CAMK2D: variants seen among roughly 807,000 people sequenced by gnomAD.
CAMK2D encodes calcium/calmodulin-dependent protein kinase type II subunit delta.
CAMK2D carries 37 observed loss-of-function variants against 84.0 expected under a neutral mutation model. The ratio of observed to expected loss-of-function variants is 0.44; its 90% confidence interval spans 0.34 to 0.58. The LOEUF (loss-of-function observed/expected upper bound fraction) is 0.58. CAMK2D is among the 20% of genes least tolerant of loss of function. The probability of loss-of-function intolerance (pLI) is 0.02; values close to 1 mark genes in which losing one functional copy is unlikely to be tolerated. For missense variants in CAMK2D, 448 were observed against 652.5 expected (o/e 0.69, Z 3.41); for synonymous variants, 202 against 212.5 (o/e 0.95, Z 0.43).
At chr4:113,519,962 A>ATGAT (rs2098335076) in intron 8 of CAMK2D, among the ~76,000 whole-genome samples, 1 of 152,194 alleles carries the variant, frequency 6.6e-6, no homozygotes, top group East Asian at 1.9e-4. Context: ...TTTAGTAGGA[A>ATGAT]TGATAATATA....
intron 3 of CAMK2D, among the ~76,000 whole-genome samples, chr4:113,650,377 C>T (rs533075014): frequency 6.7e-6 from 1 of 150,240 alleles, no homozygotes; most frequent in Admixed American, 6.6e-5. Context: ...AATAGCCAGG[C>T]ATGGTGGTGC....
At chr4:113,467,855 G>C (rs966391094) in intron 16 of CAMK2D, among the ~76,000 whole-genome samples, 4 of 152,086 alleles carry the variant, frequency 2.6e-5, no homozygotes, top group African/African-American at 9.7e-5. Flanking sequence ...TGGAATATAA[G>C]GGATACGGGT....
At chr4:113,665,028 T>C (rs904830103) in intron 2 of CAMK2D, among the ~76,000 whole-genome samples, 1 of 152,162 alleles carries the variant, frequency 6.6e-6, no homozygotes, top group Non-Finnish European at 1.5e-5. Context: ...GGTTTCAAAC[T>C]CCTGACCTCA....
At chr4:113,724,201 A>C (rs1009075996) in intron 2 of CAMK2D, among the ~76,000 whole-genome samples, 11 of 152,050 alleles carry the variant, frequency 7.2e-5, no homozygotes, top group African/African-American at 2.7e-4. Context: ...ACTTTATATA[A>C]AACTGTGGGC....
intron 2 of CAMK2D, among the ~76,000 whole-genome samples, chr4:113,690,401 A>T (rs1267555771): frequency 1.3e-5 from 2 of 152,094 alleles, no homozygotes; most frequent in African/African-American, 4.8e-5. Context: ...ATGTTTAAGG[A>T]GGTAATTTAA....
chr4:113,541,929 T>C (rs2098532605), intron 6 of CAMK2D, among the ~76,000 whole-genome samples: 1 of 152,230 alleles, frequency 6.6e-6, no homozygotes, highest in Non-Finnish European at 1.5e-5. Flanking sequence ...ATTTTAGCTT[T>C]TATTTTTGTG....
At chr4:113,656,864 C>T (rs1266620740) in intron 3 of CAMK2D, among the ~76,000 whole-genome samples, 1 of 152,144 alleles carries the variant, frequency 6.6e-6, no homozygotes, top group African/African-American at 2.4e-5. Context: ...AGGCAGGTTC[C>T]TCTTTTCAAC....
intron 2 of CAMK2D, among the ~76,000 whole-genome samples, chr4:113,693,611 G>A (rs2099394639): frequency 6.6e-6 from 1 of 152,116 alleles, no homozygotes; most frequent in East Asian, 1.9e-4. Flanking sequence ...ACCTGGGATG[G>A]AAATGTTTGT....
At chr4:113,520,589 G>A (rs1345887522) in intron 8 of CAMK2D, among the ~76,000 whole-genome samples, 1 of 151,956 alleles carries the variant, frequency 6.6e-6, no homozygotes. Context: ...TATACCTAAA[G>A]TACTAAAATC....
intron 15 of CAMK2D, among the ~76,000 whole-genome samples, chr4:113,501,004 T>C (rs1245715987): frequency 6.6e-6 from 1 of 152,032 alleles, no homozygotes; most frequent in Non-Finnish European, 1.5e-5. Flanking sequence ...AGAGAAAGCA[T>C]TTCACCGCAT....
Position 113,523,793 on chromosome 4 carries a change from A to AAATC in CAMK2D, c.602-6137_602-6136insGATT, listed in dbSNP as rs538906992. Among the ~76,000 whole-genome samples, 972 of 152,156 alleles carry AAATC rather than the reference A, an allele frequency of 6.4e-3. 19 individuals carry two copies. Among genetic ancestry groups the AAATC allele is most frequent in the Non-Finnish European group, 7.6e-3 (514 of 68,020 alleles). ...TCTCGAAATAAATAAATAAATAAAT[A>AAATC]AATAAACAAACAAACAAATAAATAA... On this transcript the variant is annotated intron_variant, in intron 8 of 20. Coordinates refer to ENST00000511664, the MANE Select transcript of CAMK2D (RefSeq NM_001321571.2).
At chr4:113,491,688 A>G (rs1055950838) in intron 16 of CAMK2D, among the ~76,000 whole-genome samples, 4 of 152,064 alleles carry the variant, frequency 2.6e-5, no homozygotes, top group East Asian at 3.9e-4. Context: ...CTCTTTTTCT[A>G]TTGATTGGAA....
intron 4 of CAMK2D, among the ~76,000 whole-genome samples, chr4:113,591,965 T>C (rs2098889238): frequency 6.6e-6 from 1 of 152,214 alleles, no homozygotes; most frequent in Non-Finnish European, 1.5e-5. Flanking sequence ...GTAAGCTCTT[T>C]GTAGGCAGAT....
At chr4:113,734,257 C>A (rs184968440) in intron 2 of CAMK2D, among the ~76,000 whole-genome samples, 1 of 152,192 alleles carries the variant, frequency 6.6e-6, no homozygotes, top group African/African-American at 2.4e-5. Flanking sequence ...TCAGTTGTTT[C>A]AACTTACTTT....
At chr4:113,663,522 G>A (rs143745224) in intron 2 of CAMK2D, among the ~76,000 whole-genome samples, 2 of 151,938 alleles carry the variant, frequency 1.3e-5, no homozygotes, top group Non-Finnish European at 2.9e-5. Flanking sequence ...CCGGGAGATG[G>A]ATGTTGCAGT....
chr4:113,721,545 T>C (rs2099530430), intron 2 of CAMK2D, among the ~76,000 whole-genome samples: 2 of 152,156 alleles, frequency 1.3e-5, no homozygotes, highest in Non-Finnish European at 2.9e-5. Context: ...AATGAGAGTG[T>C]TGCAGTAAAT....
At chr4:113,577,580 G>C (rs139350375) in intron 4 of CAMK2D, among the ~76,000 whole-genome samples, 1 of 152,100 alleles carries the variant, frequency 6.6e-6, no homozygotes, top group African/African-American at 2.4e-5. Flanking sequence ...AATGATGTTA[G>C]CTTGGCCCTC....
chr4:113,641,629 T>C (rs574261401), intron 3 of CAMK2D, among the ~76,000 whole-genome samples: 24 of 152,338 alleles, frequency 1.6e-4, no homozygotes, highest in African/African-American at 4.8e-4. Context: ...AATTTAGTTT[T>C]CTAAAACATT....
intron 1 of CAMK2D, among the ~76,000 whole-genome samples, chr4:113,760,710 A>C (rs2099639407): frequency 6.6e-6 from 1 of 152,144 alleles, no homozygotes; most frequent in African/African-American, 2.4e-5. Context: ...GATGATAGCT[A>C]CAACTGCAGA....
Sources: gnomAD v4.1 joint callset for allele counts (sites outside exome capture counted in the v4.1 genomes callset) on GRCh38, gnomAD v4.1.1 for gene constraint, MANE v1.5 for transcripts, NCBI Gene and HGNC (gene_info 2026-07-23, HGNC 2026-07-21) for gene names.